Variants in MYO3A observed in about 807,000 individuals in gnomAD.
MYO3A encodes the protein myosin-IIIa.
A neutral mutation model predicts 192.7 loss-of-function variants in MYO3A; 180 were observed. That is an observed-to-expected ratio of 0.93 (90% confidence interval 0.83 to 1.06). The LOEUF is 1.06. Ranked by LOEUF, MYO3A falls within the 50% of genes least tolerant of loss-of-function variation. MYO3A has a pLI of 0.00. For missense variants in MYO3A, 1,896 were observed against 1,905.0 expected (o/e 1.00, Z 0.09); for synonymous variants, 628 against 645.3 (o/e 0.97, Z 0.41).
intron 32 of MYO3A, among the ~76,000 whole-genome samples, chr10:26,197,565 T>G (rs76971640): frequency 0.12 from 18,113 of 151,746 alleles, 1,359 homozygotes; most frequent in African/African-American, 0.22. Flanking sequence ...TTTGTTGTTG[T>G]TGGTGGTGGT....
intron 27 of MYO3A, 148 bp downstream of exon 27, chr10:26,166,326 A>G: frequency 2.7e-6 from 2 of 742,272 alleles, no homozygotes; most frequent in South Asian, 3.2e-5. Flanking sequence ...TAAACTCATA[A>G]AGATTTTCTT....
chr10:26,004,814 C>T (rs11014900), intron 6 of MYO3A, among the ~76,000 whole-genome samples: 14,363 of 152,098 alleles, frequency 0.094, 1,195 homozygotes, highest in African/African-American at 0.21. Context: ...GCAATAAAAA[C>T]TCCATTAATC....
intron 6 of MYO3A, among the ~76,000 whole-genome samples, chr10:26,006,055 A>G (rs1379121684): frequency 6.6e-6 from 1 of 152,120 alleles, no homozygotes; most frequent in African/African-American, 2.4e-5. Flanking sequence ...GAATTAAGCT[A>G]TTTAACATTA....
intron 32 of MYO3A, among the ~76,000 whole-genome samples, 162 bp downstream of exon 32, chr10:26,193,473 CT>C (rs1843253186): frequency 6.6e-6 from 1 of 152,192 alleles, no homozygotes; most frequent in Non-Finnish European, 1.5e-5. Context: ...GATCTGGGCA[CT>C]TTGATCTCCT....
chr10:26,111,420 T>C (rs1010251871), intron 17 of MYO3A, among the ~76,000 whole-genome samples: 2 of 152,202 alleles, frequency 1.3e-5, no homozygotes, highest in Non-Finnish European at 2.9e-5. Flanking sequence ...GTTTTGCTCT[T>C]GTTAGTCAGC....
chr10:26,047,804 C>T (rs2131266500), intron 10 of MYO3A, among the ~76,000 whole-genome samples: 1 of 151,830 alleles, frequency 6.6e-6, no homozygotes, highest in East Asian at 1.9e-4. Flanking sequence ...AAAGAAAAGA[C>T]ACATTTGCAT....
intron 17 of MYO3A, among the ~76,000 whole-genome samples, chr10:26,106,928 T>C (rs1837842002): frequency 1.3e-5 from 1 of 76,406 alleles, no homozygotes; most frequent in African/African-American, 5.0e-5. Flanking sequence ...GAAATGTATC[T>C]ATTTTTTTCT....
At chr10:26,093,255 G>T (rs1342064124) in intron 15 of MYO3A, among the ~76,000 whole-genome samples, 1 of 152,182 alleles carries the variant, frequency 6.6e-6, no homozygotes, top group Non-Finnish European at 1.5e-5. Context: ...CACATTGTTA[G>T]CACTTAACTG....
intron 10 of MYO3A, among the ~76,000 whole-genome samples, chr10:26,048,295 T>C (rs1416666064): frequency 1.3e-5 from 2 of 152,136 alleles, no homozygotes; most frequent in African/African-American, 2.4e-5. Flanking sequence ...GAATTTGTAG[T>C]TTTGGAAGAT....
intron 30 of MYO3A, 48 bp downstream of exon 30, chr10:26,174,605 A>G (rs753766870): frequency 2.0e-6 from 3 of 1,471,426 alleles, no homozygotes; most frequent in South Asian, 2.4e-5. Flanking sequence ...CCTGGGAACT[A>G]TACAATAACT....
In MYO3A at chr10:26,196,915, C is replaced by G. The variant is rs138250192; in HGVS notation, c.4545+3604C>G. Among the ~76,000 whole-genome samples the G allele has an allele frequency of 1.3e-3, 198 of 152,296 alleles. 3 individuals carry two copies. Among genetic ancestry groups the G allele is most frequent in the South Asian group, 2.1e-4 (1 of 4,826 alleles). ...AGGATAACTGGAGCATCCATCGTCT[C>G]AAGCATTTATTTCTTTGTTAGGAAC... On this transcript the variant is annotated intron_variant, in intron 32 of 34. Coordinates refer to ENST00000642920, the MANE Select transcript of MYO3A (RefSeq NM_017433.5).
intron 17 of MYO3A, among the ~76,000 whole-genome samples, chr10:26,097,870 A>C (rs529129974): frequency 1.1e-4 from 17 of 152,192 alleles, no homozygotes; most frequent in African/African-American, 4.1e-4. Flanking sequence ...TCTTTTTTGC[A>C]TGTGTGCATG....
chr10:26,057,328 G>C (rs1486217672), intron 10 of MYO3A, among the ~76,000 whole-genome samples: 2 of 152,178 alleles, frequency 1.3e-5, no homozygotes, highest in Non-Finnish European at 2.9e-5. Context: ...TAGGATGATA[G>C]AGCAAGTTAC....
intron 10 of MYO3A, among the ~76,000 whole-genome samples, chr10:26,050,267 A>G (rs926589081): frequency 1.3e-5 from 2 of 152,202 alleles, no homozygotes; most frequent in African/African-American, 4.8e-5. Context: ...GCACCCAGCC[A>G]TTATTTTTAT....
At chr10:26,039,745 AT>A (rs1431173033) in intron 10 of MYO3A, among the ~76,000 whole-genome samples, 1 of 151,862 alleles carries the variant, frequency 6.6e-6, no homozygotes, top group Non-Finnish European at 1.5e-5. Flanking sequence ...TTCAATTCTG[AT>A]TTTACTTAAT....
intron 4 of MYO3A, among the ~76,000 whole-genome samples, chr10:25,990,294 GTAA>G (rs1839931428): frequency 6.6e-6 from 1 of 151,874 alleles, no homozygotes; most frequent in South Asian, 2.1e-4. Context: ...AATACTTACT[GTAA>G]TAATAATGTA....
chr10:25,984,417 T>C (rs1839517971), intron 4 of MYO3A, among the ~76,000 whole-genome samples: 3 of 151,984 alleles, frequency 2.0e-5, no homozygotes, highest in Non-Finnish European at 2.9e-5. Context: ...AGGGGCCAGG[T>C]TTTTCGCAGG....
intron 10 of MYO3A, among the ~76,000 whole-genome samples, chr10:26,047,208 AAT>A (rs1254617695): frequency 5.3e-5 from 8 of 152,198 alleles, no homozygotes; most frequent in Non-Finnish European, 8.8e-5. Context: ...GAATCCAACA[AAT>A]ATGTGTACTT....
At position 26,190,922 on chromosome 10, in the gene MYO3A, C is replaced by T. The variant is rs1418060962; in HGVS notation, c.4439-2283C>T. Among the ~76,000 whole-genome samples, 6 of 152,046 alleles carry T rather than the reference C, an allele frequency of 3.9e-5. No homozygotes were observed. In the East Asian group the frequency reaches 1.2e-3, roughly 29 times the overall value. ...ACAAGATCAATAATGCCTTTATTCC[C>T]AGAACCTTTTTTTGTTTTTCACTCT... On this transcript the variant is annotated intron_variant, in intron 31 of 34. Coordinates refer to ENST00000642920, the MANE Select transcript of MYO3A (RefSeq NM_017433.5).
Sources: gnomAD v4.1 joint callset for allele counts (sites outside exome capture counted in the v4.1 genomes callset) on GRCh38, gnomAD v4.1.1 for gene constraint, MANE v1.5 for transcripts, NCBI Gene and HGNC (gene_info 2026-07-23, HGNC 2026-07-21) for gene names.